Variants in UST observed in about 807,000 individuals in gnomAD.
UST encodes the protein uronyl 2-sulfotransferase.
In UST, 21 loss-of-function variants were observed where a neutral mutation model predicts 45.6. That is an observed-to-expected ratio of 0.46 (90% CI 0.33 to 0.66). The LOEUF (loss-of-function observed/expected upper bound fraction) is 0.66, where lower values mean the gene tolerates loss of function less well. Ranked by LOEUF, UST falls within the 30% of genes least tolerant of loss-of-function variation. UST has a pLI of 0.02. For synonymous variants in UST, 215 were observed against 200.6 expected, an observed-to-expected ratio of 1.07 and a Z score of -0.61; for missense variants, 463 against 512.4, an observed-to-expected ratio of 0.90 and a Z score of 0.93.
intron 5 of UST, among the ~76,000 whole-genome samples, chr6:148,972,561 T>A (rs1183288409): frequency 1.3e-5 from 2 of 152,230 alleles, no homozygotes; most frequent in Non-Finnish European, 2.9e-5. Flanking sequence ...TTGCCTGACC[T>A]GCTGTCTCCA....
intron 7 of UST, among the ~76,000 whole-genome samples, chr6:149,060,412 C>T (rs1406847013): frequency 6.6e-6 from 1 of 152,122 alleles, no homozygotes; most frequent in East Asian, 1.9e-4. Context: ...CAGCACATAT[C>T]GCTGTGAGCC....
intron 7 of UST, among the ~76,000 whole-genome samples, chr6:149,025,317 T>C (rs577022552): frequency 2.4e-4 from 36 of 152,336 alleles, no homozygotes; most frequent in Non-Finnish European, 4.7e-4. Flanking sequence ...TTTAGAACTT[T>C]TTTTAAACAG....
Position 148,952,148 on chromosome 6 carries a change from G to T in UST, c.448-1724G>T, listed in dbSNP as rs114442841. Among the ~76,000 whole-genome samples, 618 of 152,212 alleles carry T rather than the reference G, an allele frequency of 4.1e-3. 2 individuals carry two copies. The highest frequency in any genetic ancestry group is 0.014 in the African/African-American group (590 of 41,532). ...TTACATTAAACATACACACAGTCAA[G>T]AGTTATTTTTCCAAGCAGGCACCCT... On this transcript the variant is annotated intron_variant, in intron 3 of 7. Coordinates refer to ENST00000367463, the MANE Select transcript of UST (RefSeq NM_005715.3).
intron 1 of UST, among the ~76,000 whole-genome samples, chr6:148,800,890 T>G (rs951315156): frequency 6.6e-6 from 1 of 151,412 alleles, no homozygotes; most frequent in African/African-American, 2.4e-5. Flanking sequence ...CTTGCTTGCC[T>G]CTGGCTGCAT....
At chr6:149,009,821 C>CTTTTTTTTT (rs60752380) in intron 5 of UST, among the ~76,000 whole-genome samples, 1 of 143,264 alleles carries the variant, frequency 7.0e-6, no homozygotes, top group Non-Finnish European at 1.5e-5. Context: ...TACCTTTTGT[C>CTTTTTTTTT]TTTTTTTTTT....
At chr6:148,946,387 T>G (rs896676895) in intron 3 of UST, among the ~76,000 whole-genome samples, 4 of 151,390 alleles carry the variant, frequency 2.6e-5, no homozygotes, top group African/African-American at 7.3e-5. Flanking sequence ...GGTGCACGCC[T>G]GTAATCCCAG....
At chr6:148,764,568 A>G (rs1185147733) in intron 1 of UST, among the ~76,000 whole-genome samples, 1 of 152,186 alleles carries the variant, frequency 6.6e-6, no homozygotes, top group African/African-American at 2.4e-5. Context: ...GGTCTGAGAA[A>G]TAAAGGGAAA....
At chr6:148,860,242 A>G (rs1253510013) in intron 1 of UST, among the ~76,000 whole-genome samples, 2 of 152,076 alleles carry the variant, frequency 1.3e-5, no homozygotes, top group Admixed American at 6.5e-5. Flanking sequence ...TAGGTATTTT[A>G]TTCTCTTTGA....
intron 2 of UST, among the ~76,000 whole-genome samples, chr6:148,914,933 G>A (rs932509083): frequency 6.6e-6 from 1 of 151,366 alleles, no homozygotes; most frequent in Non-Finnish European, 1.5e-5. Flanking sequence ...ATTTCTCACA[G>A]TTCTGGAGGG....
chr6:148,801,652 A>G (rs1284287692), intron 1 of UST, among the ~76,000 whole-genome samples: 1 of 151,994 alleles, frequency 6.6e-6, no homozygotes, highest in Non-Finnish European at 1.5e-5. Context: ...TTGGCCATCA[A>G]CTTCCAAGCT....
At chr6:148,825,797 G>T (rs535028548) in intron 1 of UST, among the ~76,000 whole-genome samples, 12 of 152,342 alleles carry the variant, frequency 7.9e-5, no homozygotes, top group African/African-American at 2.6e-4. Context: ...CATGGTGGGG[G>T]GAGGAGAAGG....
chr6:148,971,734 G>C (rs371360854), intron 5 of UST, among the ~76,000 whole-genome samples: 3 of 152,220 alleles, frequency 2.0e-5, no homozygotes, highest in African/African-American at 7.2e-5. Flanking sequence ...GCAGGCAGGT[G>C]GTGGGCCCCA....
At chr6:148,973,329 C>T (rs1780956033) in intron 5 of UST, among the ~76,000 whole-genome samples, 1 of 152,172 alleles carries the variant, frequency 6.6e-6, no homozygotes, top group Non-Finnish European at 1.5e-5. Context: ...AGAATGAGCA[C>T]TTTGATGAAT....
chr6:149,067,016 C>A (rs1285256972), intron 7 of UST, among the ~76,000 whole-genome samples: 1 of 152,066 alleles, frequency 6.6e-6, no homozygotes, highest in East Asian at 1.9e-4. Flanking sequence ...CTATACCTTT[C>A]TTCATAGGGA....
At chr6:148,779,199 C>T (rs773881932) in intron 1 of UST, among the ~76,000 whole-genome samples, 14 of 152,124 alleles carry the variant, frequency 9.2e-5, no homozygotes, top group Middle Eastern at 3.4e-3. Flanking sequence ...GTACTTCTTC[C>T]GTTGACTCAG....
chr6:148,997,287 T>C (rs1270411646), intron 5 of UST, among the ~76,000 whole-genome samples: 1 of 152,226 alleles, frequency 6.6e-6, no homozygotes. Context: ...TAGTCATGTT[T>C]TATTTTAGAA....
chr6:148,773,043 A>G (rs1776462309), intron 1 of UST, among the ~76,000 whole-genome samples: 1 of 152,232 alleles, frequency 6.6e-6, no homozygotes, highest in Admixed American at 6.5e-5. Context: ...AAAATTGTTT[A>G]AGGAATTTTA....
chr6:148,796,725 A>C (rs1301192279), intron 1 of UST, among the ~76,000 whole-genome samples: 1 of 148,422 alleles, frequency 6.7e-6, no homozygotes, highest in Non-Finnish European at 1.5e-5. Context: ...GCCCAGGTAC[A>C]CCTGCTTCCC....
chr6:148,845,461 G>C (rs1214771390), intron 1 of UST, among the ~76,000 whole-genome samples: 1 of 152,150 alleles, frequency 6.6e-6, no homozygotes, highest in African/African-American at 2.4e-5. Flanking sequence ...TTGCCAAGCA[G>C]TATTCCATTT....
Sources: allele counts gnomAD v4.1 joint callset (sites outside exome capture counted in the v4.1 genomes callset), GRCh38; gene constraint gnomAD v4.1.1; transcripts MANE v1.5; gene names NCBI Gene and HGNC (gene_info 2026-07-23, HGNC 2026-07-21).